Variants in ALOX12B observed in about 807,000 individuals in gnomAD.
ALOX12B encodes arachidonate 12-lipoxygenase, 12R-type.
In ALOX12B, 47 loss-of-function variants were observed where a neutral mutation model predicts 78.9. That is an observed-to-expected ratio of 0.60 (90% CI 0.47 to 0.76). The LOEUF (loss-of-function observed/expected upper bound fraction) is 0.76. Among genes scored for constraint, ALOX12B ranks in the 30% least tolerant of loss-of-function variants. The pLI is 0.00. For synonymous variants in ALOX12B, 370 were observed against 374.5 expected (o/e 0.99, Z 0.14); for missense variants, 805 against 922.6 (o/e 0.87, Z 1.65).
chr17:8,076,442 C>G, intron 10 of ALOX12B, 98 bp from the exon 11 acceptor site: 1 of 1,428,272 alleles, frequency 7.0e-7, no homozygotes, highest in Non-Finnish European at 9.5e-7. Context: ...ACCCCTGACC[C>G]AGCCCACCCC....
In ALOX12B at chr17:8,081,204, G is replaced by A; in HGVS notation, c.353-17C>T. On this transcript the variant is annotated splice_polypyrimidine_tract_variant and intron_variant, in intron 2 of 14. Transcript: ENST00000647874. ...TTGTCTTTCCTGTAGGGAGACCAAG[G>A]AGAGGACTCAAGGGCTGACCCTTGC... 6.2e-7 allele frequency: 1 copy of A among 1,613,082 alleles called. No homozygotes were observed. Among genetic ancestry groups the A allele is most frequent in the Non-Finnish European group, 8.5e-7 (1 of 1,179,172 alleles).
intron 8 of ALOX12B, among the ~76,000 whole-genome samples, chr17:8,078,616 G>C (rs985287996): frequency 6.6e-6 from 1 of 152,082 alleles, no homozygotes; most frequent in Non-Finnish European, 1.5e-5. Flanking sequence ...AGCAGCAAGA[G>C]CTCACCCAGC....
chr17:8,076,881 C>T (rs200523587), intron 9 of ALOX12B, 109 bp downstream of exon 9: 2 of 715,282 alleles, frequency 2.8e-6, no homozygotes, highest in East Asian at 4.1e-5. Context: ...TCCCCAGATG[C>T]CCCCCAGGCT....
chr17:8,080,299 T>G lies in ALOX12B; in HGVS notation c.690A>C (p.Lys230Asn). 1 of 1,614,240 alleles carries G rather than the reference T, an allele frequency of 6.2e-7. No individual in the cohort carries two copies. The highest frequency in any genetic ancestry group is 8.5e-7 in the Non-Finnish European group (1 of 1,180,044). The change falls in exon 6 of 15, where the codon AAA becomes AAC. Residue 230 changes from lysine to asparagine, a missense_variant. By Grantham distance (94) the Lys-to-Asn change is moderately conservative. Coordinates refer to ENST00000647874, the MANE Select transcript of ALOX12B (RefSeq NM_001139.3). The surrounding 1 kb of genome is among the most constrained non-coding windows in gnomAD (Gnocchi z 4.8). ...TGTCCTTCAGCCTCTTCCACGAATG[T>G]TTGCAGTCCAACAGGCCGCGGACTT... ...AFKVRGLLDC[K>N]HSWKRLKDIR...
rs780594454 is a variant in ALOX12B at position 8,086,233 on chromosome 17, C to G, written c.148-13G>C. The G allele has an allele frequency of 6.2e-7, 1 of 1,613,002 alleles. No individual in the cohort carries two copies. The highest frequency in any genetic ancestry group is 8.5e-7 in the Non-Finnish European group (1 of 1,179,576). On this transcript the variant is annotated splice_polypyrimidine_tract_variant and intron_variant, in intron 1 of 14. Coordinates refer to ENST00000647874, the MANE Select transcript of ALOX12B (RefSeq NM_001139.3). ...TGTACTGGCCCACCTAGGCAGGATG[C>G]AAGCCTGGCTGAGTGGGCAGGACTT...
At chr17:8,073,559 A>G in intron 13 of ALOX12B, 98 bp downstream of exon 13, 1 of 1,203,576 alleles carries the variant, frequency 8.3e-7, no homozygotes, top group Non-Finnish European at 1.2e-6. Flanking sequence ...AGGCTGGACC[A>G]GGGATTATGG....
chr17:8,080,410 C>T lies in ALOX12B; in HGVS notation c.651-72G>A. ...CGCCGGCTGGGGCAGGTGGCGGGGCCGCCCCATCCACTTAGGTCTCTGGGT... is the reference window on the plus strand; with the variant it reads ...CGCCGGCTGGGGCAGGTGGCGGGGCTGCCCCATCCACTTAGGTCTCTGGGT... On this transcript the variant is annotated intron_variant, in intron 5 of 14. Coordinates refer to ENST00000647874, the MANE Select transcript of ALOX12B (RefSeq NM_001139.3). This position sits in a 1 kb window ranked among gnomAD's most constrained non-coding sequence, Gnocchi z 4.8. 1 of 1,537,490 alleles carries T rather than the reference C, an allele frequency of 6.5e-7. No individual in the cohort carries two copies. Among genetic ancestry groups the T allele is most frequent in the Non-Finnish European group, 9.0e-7 (1 of 1,110,714 alleles).
intron 2 of ALOX12B, chr17:8,081,423 A>G (rs1977215977): frequency 3.3e-6 from 2 of 607,126 alleles, no homozygotes; most frequent in East Asian, 5.8e-5. Flanking sequence ...TGCTGCTGCA[A>G]AAAGTCCCTC....
In ALOX12B at chr17:8,080,987, A is replaced by T. The variant is rs544962887; in HGVS notation, c.435-11T>A. On this transcript the variant is annotated splice_polypyrimidine_tract_variant and intron_variant, in intron 3 of 14. Transcript: ENST00000647874. This position sits in a 1 kb window ranked among gnomAD's most constrained non-coding sequence, Gnocchi z 4.8. ...AGAAAGACTCGCCAGCTGCAAGGGA[A>T]ACCGAGATGTCACCCTCATGCCCGT... 9.9e-6 allele frequency: 16 copies of T among 1,613,910 alleles called. No individual in the cohort carries two copies. The highest frequency in any genetic ancestry group is 1.6e-4 in the Middle Eastern group (1 of 6,062).
rs555210541 is a variant in ALOX12B at position 8,080,890 on chromosome 17, C to T, written c.521G>A (p.Arg174Gln). ...PPVRRHRNPN[R>Q]PEWNGYIPGF... is the part of the protein sequence containing the mutation. ...CACAGCTTCGGGTCCTTACTCAGGC[C>T]GGTTGGGGTTGCGATGCCTCCGCAC... The change falls in exon 4 of 15, where the codon CGG (arginine) becomes CAG (glutamine). Residue 174 changes from arginine to glutamine, a missense_variant. Coordinates refer to ENST00000647874, the MANE Select transcript of ALOX12B (RefSeq NM_001139.3). This position sits in a 1 kb window ranked among gnomAD's most constrained non-coding sequence, Gnocchi z 4.8. 5.6e-6 allele frequency: 9 copies of T among 1,613,758 alleles called. No homozygotes were observed. Among genetic ancestry groups the T allele is most frequent in the South Asian group, 1.1e-5 (1 of 91,086 alleles).
At chr17:8,075,076 A>C (rs1977053135) in intron 12 of ALOX12B, among the ~76,000 whole-genome samples, 1 of 150,096 alleles carries the variant, frequency 6.7e-6, no homozygotes, top group African/African-American at 2.5e-5. Flanking sequence ...GCCACCCCAG[A>C]CTGTGAACTC....
chr17:8,075,565 C>G, intron 12 of ALOX12B, 30 bp downstream of exon 12: 6 of 1,613,656 alleles, frequency 3.7e-6, no homozygotes, highest in Non-Finnish European at 5.1e-6. Context: ...TCCCAGCTCC[C>G]CCTGATTGCC....
At chr17:8,076,918 G>C in intron 9 of ALOX12B, 72 bp downstream of exon 9, 11 of 1,519,814 alleles carry the variant, frequency 7.2e-6, no homozygotes, top group Non-Finnish European at 9.9e-6. Flanking sequence ...ACTGCTCAGT[G>C]GGCCTGGGGG....
At chr17:8,075,797 G>A (rs1181621863) in intron 11 of ALOX12B, 81 bp from the exon 12 acceptor site, 2 of 1,611,476 alleles carry the variant, frequency 1.2e-6, no homozygotes, top group East Asian at 2.2e-5. Flanking sequence ...CCCCCAGGGT[G>A]CCCTGACCTC....
At chr17:8,081,379 C>T in intron 2 of ALOX12B, 192 bp from the exon 3 acceptor site, 1 of 662,546 alleles carries the variant, frequency 1.5e-6, no homozygotes, top group Non-Finnish European at 2.8e-6. Context: ...CGGACCCACC[C>T]TCTTTCCTCT....
rs772504655 is a variant in ALOX12B at position 8,072,846 on chromosome 17, G to A, written c.2031C>T (p.Arg677=). The A allele has an allele frequency of 1.3e-5, 21 of 1,614,214 alleles. No individual in the cohort carries two copies. Among genetic ancestry groups the A allele is most frequent in the Non-Finnish European group, 1.8e-5 (21 of 1,180,038 alleles). The change falls in exon 15 of 15, where the codon CGC becomes CGT. Residue 677 remains arginine, a synonymous_variant. Transcript: ENST00000647874. Reference sequence around the variant, plus strand: ...GGATGGGAAGGCACTTGTTGCGCTGGCGGATGTCGTGTGAGATCTGGTTCA... The same window carrying A: ...GGATGGGAAGGCACTTGTTGCGCTGACGGATGTCGTGTGAGATCTGGTTCA... ...QRLNQISHDI[R]QRNKCLPIPY...
chr17:8,082,401 C>A (rs1836229822), intron 2 of ALOX12B, among the ~76,000 whole-genome samples: 1 of 152,126 alleles, frequency 6.6e-6, no homozygotes, highest in Non-Finnish European at 1.5e-5. Flanking sequence ...GTTCTTATCG[C>A]CATTATGTTC....
In ALOX12B at chr17:8,073,753, G is replaced by A. The variant is rs1426460853; in HGVS notation, c.1659C>T (p.Phe553=). Residue 553 remains phenylalanine (F), a synonymous_variant, in exon 13 of 15, where the codon TTC becomes TTT. Coordinates refer to ENST00000647874, the MANE Select transcript of ALOX12B (RefSeq NM_001139.3). ...ECLLGRESSG[F]PRCLRTVPEL... ...CAGGCACGGTTCGCAAGCACCTAGG[G>A]AAGCCTGACCGGCGGGGGAAAAGCC... The A allele has an allele frequency of 2.5e-6, 4 of 1,613,846 alleles. No individual in the cohort carries two copies. The South Asian group carries it at 4.4e-5, about 18-fold the overall frequency.
In ALOX12B at chr17:8,079,605, G is replaced by A. The variant is rs983434855; in HGVS notation, c.928-66C>T. On this transcript the variant is annotated intron_variant, in intron 7 of 14. Coordinates refer to ENST00000647874, the MANE Select transcript of ALOX12B (RefSeq NM_001139.3). The surrounding 1 kb of genome is among the most constrained non-coding windows in gnomAD (Gnocchi z 6.4). ...CGGGAAGCCCGTGACCCGCGCCGCA[G>A]GTGCACAGGGCGCTGGCGACTAGGG... 1.1e-5 allele frequency: 17 copies of A among 1,542,836 alleles called. No individual in the cohort carries two copies. In the African/African-American group the frequency reaches 2.1e-4, roughly 19 times the overall value.
Sources: allele counts gnomAD v4.1 joint callset (sites outside exome capture counted in the v4.1 genomes callset), GRCh38; gene constraint gnomAD v4.1.1; non-coding constraint Gnocchi (gnomAD v3.1); transcripts MANE v1.5; gene names NCBI Gene and HGNC (gene_info 2026-07-23, HGNC 2026-07-21).